ZNF521: variants seen among roughly 807,000 people sequenced by gnomAD.
ZNF521 encodes the protein zinc finger protein 521.
ZNF521 carries 14 observed loss-of-function variants against 105.5 expected under a neutral mutation model. The observed-to-expected ratio is 0.13, with a 90% CI of 0.09 to 0.21. The LOEUF (loss-of-function observed/expected upper bound fraction) is 0.21, where lower values mean the gene tolerates loss of function less well. Among genes scored for constraint, ZNF521 ranks in the 10% least tolerant of loss-of-function variants. The probability of loss-of-function intolerance (pLI) is 1.00; values close to 1 mark genes in which losing one functional copy is unlikely to be tolerated. For missense variants in ZNF521, 1,233 were observed against 1,629.7 expected, an observed-to-expected ratio of 0.76 and a Z score of 4.19; for synonymous variants, 635 against 606.0, an observed-to-expected ratio of 1.05 and a Z score of -0.70.
At chr18:25,276,040 T>C (rs1009793379) in intron 3 of ZNF521, among the ~76,000 whole-genome samples, 1 of 152,080 alleles carries the variant, frequency 6.6e-6, no homozygotes, top group Non-Finnish European at 1.5e-5. Context: ...AAAGGTAAAA[T>C]TTGAACAGTG....
At chr18:25,197,468 A>G (rs1167237384) in intron 4 of ZNF521, among the ~76,000 whole-genome samples, 1 of 151,890 alleles carries the variant, frequency 6.6e-6, no homozygotes, top group Non-Finnish European at 1.5e-5. Flanking sequence ...CGTTGATGTT[A>G]AATGACCTTT....
chr18:25,160,229 G>T (rs572715129), intron 5 of ZNF521, among the ~76,000 whole-genome samples: 2 of 152,100 alleles, frequency 1.3e-5, no homozygotes, highest in African/African-American at 4.8e-5. Context: ...AAATGAAATC[G>T]GGTAAACTTT....
chr18:25,332,043 C>T (rs1369823734), intron 2 of ZNF521, among the ~76,000 whole-genome samples: 1 of 149,858 alleles, frequency 6.7e-6, no homozygotes, highest in African/African-American at 2.5e-5. Context: ...TTTATTTCAC[C>T]CAGGAACATG....
At chr18:25,337,897 G>A (rs1195384948) in intron 2 of ZNF521, among the ~76,000 whole-genome samples, 1 of 152,074 alleles carries the variant, frequency 6.6e-6, no homozygotes, top group Admixed American at 6.5e-5. Flanking sequence ...ATCATACAAT[G>A]GATACTGCAA....
intron 5 of ZNF521, among the ~76,000 whole-genome samples, chr18:25,113,503 C>T (rs753503182): frequency 1.8e-4 from 27 of 151,934 alleles, no homozygotes; most frequent in Non-Finnish European, 3.1e-4. Flanking sequence ...TAAGCAAATG[C>T]TAATGTTGTA....
intron 5 of ZNF521, among the ~76,000 whole-genome samples, chr18:25,126,855 G>A (rs1262100037): frequency 6.6e-6 from 1 of 151,986 alleles, no homozygotes; most frequent in African/African-American, 2.4e-5. Flanking sequence ...TTTTGGCACT[G>A]CAGGAAAGGA....
At chr18:25,156,841 A>T (rs1399092846) in intron 5 of ZNF521, among the ~76,000 whole-genome samples, 1 of 152,212 alleles carries the variant, frequency 6.6e-6, no homozygotes, top group Admixed American at 6.5e-5. Flanking sequence ...GTTCTTAGAA[A>T]TCAATATGAA....
intron 5 of ZNF521, among the ~76,000 whole-genome samples, chr18:25,181,779 T>C (rs1459261256): frequency 1.1e-4 from 16 of 152,182 alleles, no homozygotes; most frequent in Middle Eastern, 3.2e-3. Flanking sequence ...AGACTAATTA[T>C]AGACACTGGT....
chr18:25,142,206 C>G (rs894211701), intron 5 of ZNF521, among the ~76,000 whole-genome samples: 3 of 152,134 alleles, frequency 2.0e-5, no homozygotes, highest in African/African-American at 7.2e-5. Flanking sequence ...CAGACTGACA[C>G]CGTTTGGACT....
intron 3 of ZNF521, among the ~76,000 whole-genome samples, chr18:25,279,815 C>A (rs1057140108): frequency 1.3e-5 from 2 of 152,028 alleles, no homozygotes; most frequent in African/African-American, 4.8e-5. Context: ...ATAATGTCAC[C>A]AGAACCCTCC....
At chr18:25,260,714 T>C (rs919668308) in intron 3 of ZNF521, among the ~76,000 whole-genome samples, 1 of 152,174 alleles carries the variant, frequency 6.6e-6, no homozygotes, top group African/African-American at 2.4e-5. Context: ...TCATGTGTCT[T>C]ACGTATTCTT....
intron 5 of ZNF521, among the ~76,000 whole-genome samples, chr18:25,138,553 G>A (rs2034780716): frequency 6.6e-6 from 1 of 151,994 alleles, no homozygotes; most frequent in South Asian, 2.1e-4. Context: ...GGAAAAGCAG[G>A]AAGAAAGGAG....
chr18:25,346,431 T>C (rs1020833574), intron 2 of ZNF521, among the ~76,000 whole-genome samples: 3 of 152,160 alleles, frequency 2.0e-5, no homozygotes, highest in East Asian at 3.9e-4. Context: ...TGAGGTGGCT[T>C]TTCTAACACC....
chr18:25,185,367 T>C (rs951072164), intron 5 of ZNF521, among the ~76,000 whole-genome samples: 33 of 152,262 alleles, frequency 2.2e-4, no homozygotes, highest in Middle Eastern at 3.4e-3. Context: ...GGTTTTGGAA[T>C]TGAATGGTGA....
chr18:25,093,812 A>C (rs189090888), intron 5 of ZNF521, among the ~76,000 whole-genome samples: 2 of 149,784 alleles, frequency 1.3e-5, no homozygotes, highest in African/African-American at 4.9e-5. Flanking sequence ...TAGGGATTAT[A>C]TAAGATCAAG....
intron 2 of ZNF521, among the ~76,000 whole-genome samples, chr18:25,330,170 T>G (rs771131637): frequency 2.2e-5 from 3 of 138,936 alleles, no homozygotes; most frequent in Non-Finnish European, 3.2e-5. Context: ...TTTTTTCTTT[T>G]TCTTTTTTTT....
Position 25,313,457 on chromosome 18 carries a change from A to AG in ZNF521, c.220+8550dup, listed in dbSNP as rs200596717. Reference sequence around the variant, plus strand: ...ACCTACCATATGAAAGGGAAAGGGGAGGGGGAGAAACCGTTTCATCAGAGC... The same window carrying AG: ...ACCTACCATATGAAAGGGAAAGGGGAGGGGGGAGAAACCGTTTCATCAGAGC... On this transcript the variant is annotated intron_variant, in intron 3 of 7. Transcript: ENST00000361524. Among the ~76,000 whole-genome samples the AG allele has an allele frequency of 5.9e-3, 901 of 152,254 alleles. 6 individuals are homozygous for AG. Among genetic ancestry groups the AG allele is most frequent in the African/African-American group, 0.021 (855 of 41,554 alleles).
chr18:25,284,902 G>GCA (rs113868392), intron 3 of ZNF521, among the ~76,000 whole-genome samples: 6,541 of 145,864 alleles, frequency 0.045, 430 homozygotes, highest in African/African-American at 0.16. Context: ...TCATGTGCGT[G>GCA]CGCGCGCGCA....
intron 3 of ZNF521, among the ~76,000 whole-genome samples, chr18:25,262,652 A>G (rs1219259885): frequency 2.0e-5 from 3 of 152,234 alleles, no homozygotes; most frequent in African/African-American, 7.2e-5. Context: ...ATAAAGTGGT[A>G]AGTTTTTTGA....
Sources: gnomAD v4.1 joint callset for allele counts (sites outside exome capture counted in the v4.1 genomes callset) on GRCh38, gnomAD v4.1.1 for gene constraint, MANE v1.5 for transcripts, NCBI Gene and HGNC (gene_info 2026-07-23, HGNC 2026-07-21) for gene names.